FOXP2: variants seen among roughly 807,000 people sequenced by gnomAD.
The protein encoded by FOXP2 is forkhead box P2, also known as forkhead box protein P2.
In FOXP2, 12 loss-of-function variants were observed where a neutral mutation model predicts 115.8. The observed-to-expected ratio is 0.10, with a 90% CI of 0.07 to 0.17. The LOEUF (loss-of-function observed/expected upper bound fraction) is 0.17, where lower values mean the gene tolerates loss of function less well. Among genes scored for constraint, FOXP2 ranks in the 10% least tolerant of loss-of-function variants. The pLI, the probability that FOXP2 is intolerant of heterozygous loss-of-function variation, is 1.00. For synonymous variants in FOXP2, 328 were observed against 297.7 expected (o/e 1.10, Z -1.05); for missense variants, 629 against 843.5 (o/e 0.75, Z 3.15).
intron 1 of FOXP2, among the ~76,000 whole-genome samples, chr7:114,155,369 T>C (rs1411856578): frequency 6.6e-6 from 1 of 152,090 alleles, no homozygotes; most frequent in African/African-American, 2.4e-5. Flanking sequence ...ACAGACCCTG[T>C]AGCAATAAGA....
chr7:114,271,878 A>G (rs1796062227), intron 1 of FOXP2, among the ~76,000 whole-genome samples: 1 of 126,432 alleles, frequency 7.9e-6, no homozygotes, highest in Non-Finnish European at 1.6e-5. Flanking sequence ...TAATATGATT[A>G]TTAATTATAA....
At chr7:114,215,417 T>A (rs952670400) in intron 1 of FOXP2, among the ~76,000 whole-genome samples, 29 of 152,216 alleles carry the variant, frequency 1.9e-4, no homozygotes, top group Non-Finnish European at 8.8e-5. Context: ...ATTTGCATAT[T>A]TCTGTATGCC....
At chr7:114,173,385 C>T (rs1242743144) in intron 1 of FOXP2, among the ~76,000 whole-genome samples, 3 of 149,142 alleles carry the variant, frequency 2.0e-5, no homozygotes, top group Non-Finnish European at 3.0e-5. Context: ...TTCCCTTTCT[C>T]TTTTTCTTCT....
intron 3 of FOXP2, among the ~76,000 whole-genome samples, chr7:114,611,419 T>A (rs1228443937): frequency 1.3e-5 from 2 of 152,206 alleles, no homozygotes; most frequent in Non-Finnish European, 2.9e-5. Flanking sequence ...ACATTCCACA[T>A]AACATTTCTT....
intron 1 of FOXP2, among the ~76,000 whole-genome samples, chr7:114,271,675 A>T (rs1480974926): frequency 1.7e-4 from 20 of 118,108 alleles, no homozygotes; most frequent in Non-Finnish European, 2.7e-4. Context: ...TATATTATTT[A>T]AAATTATATT....
At chr7:114,675,700 T>C (rs1807715936) in intron 16 of FOXP2, among the ~76,000 whole-genome samples, 2 of 152,260 alleles carry the variant, frequency 1.3e-5, no homozygotes, top group South Asian at 2.1e-4. Flanking sequence ...TCTCATCTTT[T>C]TACAGCATTT....
At chr7:114,476,316 T>C (rs978107105) in intron 2 of FOXP2, among the ~76,000 whole-genome samples, 1 of 151,978 alleles carries the variant, frequency 6.6e-6, no homozygotes, top group Non-Finnish European at 1.5e-5. Context: ...AAAGTAGGTG[T>C]CCAGTTTTAT....
chr7:114,341,633 C>T (rs1037035949), intron 2 of FOXP2, among the ~76,000 whole-genome samples: 7 of 151,116 alleles, frequency 4.6e-5, no homozygotes, highest in African/African-American at 1.7e-4. Flanking sequence ...AATAATGATC[C>T]ATCAGGTAAT....
chr7:114,567,721 A>G (rs1266633037), intron 3 of FOXP2, among the ~76,000 whole-genome samples: 5 of 152,016 alleles, frequency 3.3e-5, no homozygotes. Flanking sequence ...GATTTTATTC[A>G]TCTTGCTACT....
At chr7:114,538,257 A>T (rs979463813) in intron 3 of FOXP2, 2 of 1,108,006 alleles carry the variant, frequency 1.8e-6, no homozygotes, top group African/African-American at 3.2e-5. Flanking sequence ...TTTCTAGCCT[A>T]TGACAAATCT....
intron 1 of FOXP2, among the ~76,000 whole-genome samples, chr7:114,422,674 G>A (rs759062982): frequency 1.7e-4 from 26 of 151,646 alleles, no homozygotes; most frequent in Non-Finnish European, 3.7e-4. Flanking sequence ...AGGACCAGTA[G>A]TGTCCCTGGT....
intron 3 of FOXP2, among the ~76,000 whole-genome samples, 191 bp downstream of exon 3, chr7:114,534,897 A>G (rs1284013103): frequency 6.6e-6 from 1 of 151,876 alleles, no homozygotes; most frequent in Non-Finnish European, 1.5e-5. Flanking sequence ...CATACATTTT[A>G]AAAGTTTACA....
intron 1 of FOXP2, among the ~76,000 whole-genome samples, chr7:114,120,472 G>C (rs142398311): frequency 6.6e-6 from 1 of 152,064 alleles, no homozygotes; most frequent in African/African-American, 2.4e-5. Flanking sequence ...CGAGAGTATG[G>C]TAAGAAAGGG....
At chr7:114,413,973 G>C (rs899945641), upstream of FOXP2, among the ~76,000 whole-genome samples, 5 of 152,062 alleles carry the variant, frequency 3.3e-5, no homozygotes, top group African/African-American at 1.2e-4. Context: ...AAGTTGTCTT[G>C]CCCAGAGTTA....
chr7:114,532,659 C>G (rs1799194641), intron 2 of FOXP2, among the ~76,000 whole-genome samples: 1 of 151,480 alleles, frequency 6.6e-6, no homozygotes, highest in Admixed American at 6.6e-5. Context: ...TTCTAAGATC[C>G]TAAACAGTGT....
chr7:114,298,935 T>A (rs1342065346), intron 2 of FOXP2, among the ~76,000 whole-genome samples: 2 of 152,176 alleles, frequency 1.3e-5, no homozygotes, highest in Non-Finnish European at 2.9e-5. Context: ...AAAATATTAG[T>A]AAGAACTCAT....
Position 114,206,238 on chromosome 7 carries a change from G to T in FOXP2, c.-102+43150G>T, listed in dbSNP as rs149891856. Among the ~76,000 whole-genome samples, 1,458 of 152,222 alleles carry T rather than the reference G, an allele frequency of 9.6e-3. 10 individuals carry two copies. The highest frequency in any genetic ancestry group is 0.016 in the Non-Finnish European group (1,062 of 68,004). ...ATACCCTGCCTAAAAACTTCCAGTGGCTTTCAACTGAAAGAAAGAAAATCC... is the reference window on the plus strand; with the variant it reads ...ATACCCTGCCTAAAAACTTCCAGTGTCTTTCAACTGAAAGAAAGAAAATCC... On this transcript the variant is annotated intron_variant, in intron 1 of 17. Transcript: ENST00000634411.
chr7:114,138,630 AT>A (rs779683089), intron 1 of FOXP2, among the ~76,000 whole-genome samples: 3 of 152,168 alleles, frequency 2.0e-5, no homozygotes, highest in East Asian at 3.9e-4. Flanking sequence ...TGACCTCATG[AT>A]CCACCTGCCT....
At chr7:114,628,464 A>T in intron 3 of FOXP2, 76 bp from the exon 4 acceptor site, 1 of 1,567,902 alleles carries the variant, frequency 6.4e-7, no homozygotes, top group Non-Finnish European at 8.7e-7. Context: ...AAAAGATAAC[A>T]TACTATTTGT....
Sources: gnomAD v4.1 joint callset for allele counts (sites outside exome capture counted in the v4.1 genomes callset) on GRCh38, gnomAD v4.1.1 for gene constraint, MANE v1.5 for transcripts, NCBI Gene and HGNC (gene_info 2026-07-23, HGNC 2026-07-21) for gene names.